Variants in LPGAT1 observed in about 807,000 individuals in gnomAD.
LPGAT1 encodes the protein acyl-CoA:lysophosphatidylglycerol acyltransferase 1.
Under a neutral mutation model 47.5 loss-of-function variants are expected in LPGAT1, and 11 were observed. That is an observed-to-expected ratio of 0.23 (90% CI 0.15 to 0.38). LPGAT1 has a LOEUF of 0.38. LPGAT1 is among the 10% of genes least tolerant of loss of function. LPGAT1 has a pLI of 1.00. For missense variants in LPGAT1, 293 were observed against 439.0 expected (o/e 0.67, Z 2.97); for synonymous variants, 138 against 144.2 (o/e 0.96, Z 0.31).
intron 6 of LPGAT1, among the ~76,000 whole-genome samples, chr1:211,775,466 A>T (rs1658355993): frequency 6.6e-6 from 1 of 152,228 alleles, no homozygotes; most frequent in African/African-American, 2.4e-5. Context: ...TGTGGCTCTC[A>T]GCAGACACCA....
intron 2 of LPGAT1, among the ~76,000 whole-genome samples, chr1:211,804,260 T>C (rs1002938363): frequency 6.6e-6 from 1 of 152,046 alleles, no homozygotes; most frequent in African/African-American, 2.4e-5. Context: ...TTGTTGCCCA[T>C]GCTGGTCTCA....
rs760234209 is a variant in LPGAT1 at position 211,748,911 on chromosome 1, T to C, written c.*988A>G. 2 of 152,366 alleles carry C rather than the reference T, an allele frequency of 1.3e-5. No homozygotes were observed. Among genetic ancestry groups the C allele is most frequent in the African/African-American group, 2.4e-5 (1 of 41,448 alleles). The allele number at this position is 152,366 out of a possible 1,614,324, so 9.4% of individuals were successfully genotyped here. ...AGCCTATTTCCCCTTAAACTGATCA[T>C]TTAAATGTTCTATAGTAATTTGTTT... is the stretch of plus-strand genomic sequence containing the variant. On this transcript the variant is annotated 3_prime_UTR_variant, in exon 8 of 8. Coordinates refer to ENST00000366997, the MANE Select transcript of LPGAT1 (RefSeq NM_014873.3).
chr1:211,791,774 CAAAA>C (rs78791498), intron 3 of LPGAT1, among the ~76,000 whole-genome samples: 2 of 121,766 alleles, frequency 1.6e-5, no homozygotes, highest in African/African-American at 5.7e-5. Context: ...AACAAACAAA[CAAAA>C]AAAAAAAACA....
rs994783176 is a variant in LPGAT1, at chr1:211,744,054, T to C, written c.*5845A>G. The C allele has an allele frequency of 6.6e-6, 1 of 152,196 alleles. No homozygotes were observed. The highest frequency in any genetic ancestry group is 2.4e-5 in the African/African-American group (1 of 41,442). 9.4% of individuals were successfully genotyped at this position (152,196 alleles called of 1,614,324 possible). Reference sequence around the variant, plus strand: ...CAAGCTTCCCATGTATTTCAGTAAATGTTTTCTTTCTGTCACATTCTTCTA... The same window carrying C: ...CAAGCTTCCCATGTATTTCAGTAAACGTTTTCTTTCTGTCACATTCTTCTA... On this transcript the variant is annotated 3_prime_UTR_variant, in exon 8 of 8. Transcript: ENST00000366997.
chr1:211,768,401 C>T (rs1359772651), intron 6 of LPGAT1, among the ~76,000 whole-genome samples: 2 of 152,108 alleles, frequency 1.3e-5, no homozygotes, highest in Non-Finnish European at 2.9e-5. Flanking sequence ...ATGAAAAGTA[C>T]GAGTCCCTCC....
intron 6 of LPGAT1, among the ~76,000 whole-genome samples, chr1:211,768,509 T>A (rs72746514): frequency 0.051 from 7,824 of 152,276 alleles, 268 homozygotes; most frequent in Non-Finnish European, 0.071. Flanking sequence ...ACAACATTTA[T>A]CGTTTAGACT....
chr1:211,776,174 A>C (rs1658391836), intron 6 of LPGAT1, among the ~76,000 whole-genome samples: 1 of 152,270 alleles, frequency 6.6e-6, no homozygotes, highest in Admixed American at 6.5e-5. Context: ...GAAATATCTT[A>C]AGTGGGATCT....
chr1:211,827,296 A>C (rs1571775502), intron 2 of LPGAT1, among the ~76,000 whole-genome samples: 1 of 152,214 alleles, frequency 6.6e-6, no homozygotes, highest in South Asian at 2.1e-4. Context: ...AAAAGAAATT[A>C]CACAGTTCTA....
intron 3 of LPGAT1, among the ~76,000 whole-genome samples, chr1:211,791,339 T>C (rs572964765): frequency 6.6e-6 from 1 of 152,324 alleles, no homozygotes; most frequent in African/African-American, 2.4e-5. Context: ...GCTTTACCAG[T>C]CTACCTAAAT....
At chr1:211,793,682 C>T (rs138575697) in intron 2 of LPGAT1, among the ~76,000 whole-genome samples, 2,970 of 152,256 alleles carry the variant, frequency 0.02, 30 homozygotes, top group Non-Finnish European at 0.024. Context: ...ATCCACCTGC[C>T]TTGGCCTCCC....
Position 211,830,578 on chromosome 1 carries a change from G to C in LPGAT1, c.-33C>G. 1 of 1,208,800 alleles carries C rather than the reference G, an allele frequency of 8.3e-7. No homozygotes were observed. The highest frequency in any genetic ancestry group is 1.0e-6 in the Non-Finnish European group (1 of 973,082). The allele number at this position is 1,208,800 out of a possible 1,614,324, so 74.9% of individuals were successfully genotyped here. ...ACCGCGGAGCCGGAGGTTACCTCGGGCTGGCCGGGCCCCAGCCGGGGCTTT... is the reference window on the plus strand; with the variant it reads ...ACCGCGGAGCCGGAGGTTACCTCGGCCTGGCCGGGCCCCAGCCGGGGCTTT... On this transcript the variant is annotated 5_prime_UTR_variant, in exon 1 of 8. Transcript: ENST00000366997. This position sits in a 1 kb window ranked among gnomAD's most constrained non-coding sequence, Gnocchi z 5.9.
chr1:211,814,956 C>T (rs1388236240), intron 2 of LPGAT1, among the ~76,000 whole-genome samples: 1 of 152,196 alleles, frequency 6.6e-6, no homozygotes, highest in East Asian at 1.9e-4. Flanking sequence ...TGCATTGAAA[C>T]ACTGTGGACT....
intron 2 of LPGAT1, among the ~76,000 whole-genome samples, chr1:211,804,626 T>C (rs952058297): frequency 6.6e-6 from 1 of 152,218 alleles, no homozygotes; most frequent in Non-Finnish European, 1.5e-5. Context: ...CAATATATCA[T>C]ATAAAATTGG....
chr1:211,783,341 T>C lies in LPGAT1; in HGVS notation c.615A>G (p.Pro205=). 7 of 1,614,194 alleles carry C rather than the reference T, an allele frequency of 4.3e-6. No homozygotes were observed. The highest frequency in any genetic ancestry group is 5.9e-6 in the Non-Finnish European group (7 of 1,180,026). Residue 205 remains proline, a synonymous_variant, in exon 5 of 8, where the codon CCA becomes CCG. Transcript: ENST00000366997. ...TTGGCAGAGTAACATTTGTAAGAAA[T>C]GGCAAGTTATTTTTCTTGGCAAATG... ...SQAFAKKNNL[P]FLTNVTLPRS...
intron 5 of LPGAT1, among the ~76,000 whole-genome samples, chr1:211,780,399 T>G (rs1331013718): frequency 6.6e-6 from 1 of 152,108 alleles, no homozygotes; most frequent in Non-Finnish European, 1.5e-5. Flanking sequence ...GAGCGAGAAC[T>G]GAGAGGGGAA....
intron 3 of LPGAT1, chr1:211,792,448 C>T (rs922273329): frequency 6.9e-6 from 1 of 144,054 alleles, no homozygotes; most frequent in Non-Finnish European, 1.6e-5. Flanking sequence ...ACTAGCAATC[C>T]ACTGCTTCAC....
At chr1:211,821,560 T>C (rs1343699748) in intron 2 of LPGAT1, among the ~76,000 whole-genome samples, 1 of 152,220 alleles carries the variant, frequency 6.6e-6, no homozygotes, top group African/African-American at 2.4e-5. Flanking sequence ...ATAATAAGCT[T>C]ACTGATTACC....
chr1:211,793,637 T>C (rs1253799068), intron 2 of LPGAT1, among the ~76,000 whole-genome samples: 1 of 152,116 alleles, frequency 6.6e-6, no homozygotes, highest in Non-Finnish European at 1.5e-5. Context: ...TTCACCATAT[T>C]GGCCAGGCTG....
chr1:211,786,795 A>G (rs1042210138), intron 4 of LPGAT1, among the ~76,000 whole-genome samples: 6 of 152,172 alleles, frequency 3.9e-5, no homozygotes, highest in Admixed American at 1.3e-4. Context: ...TAATCTGCCT[A>G]CTAGTAATTT....
Sources: gnomAD v4.1 joint callset for allele counts (sites outside exome capture counted in the v4.1 genomes callset) on GRCh38, gnomAD v4.1.1 for gene constraint, Gnocchi (gnomAD v3.1) non-coding constraint, MANE v1.5 for transcripts, NCBI Gene and HGNC (gene_info 2026-07-23, HGNC 2026-07-21) for gene names.